TSC22D1: variants seen among roughly 807,000 people sequenced by gnomAD.
TSC22D1 encodes TSC22 domain family protein 1.
Under a neutral mutation model 74.2 loss-of-function variants are expected in TSC22D1, and 9 were observed. That is an observed-to-expected ratio of 0.12 (90% CI 0.07 to 0.21). The LOEUF is 0.21. Among genes scored for constraint, TSC22D1 ranks in the 10% least tolerant of loss-of-function variants. The pLI is 1.00. For missense variants in TSC22D1, 1,427 were observed against 1,304.7 expected (o/e 1.09, Z -1.44); for synonymous variants, 586 against 492.5 (o/e 1.19, Z -2.51).
At chr13:44,510,416 T>C (rs1879662984) in intron 1 of TSC22D1, among the ~76,000 whole-genome samples, 1 of 151,808 alleles carries the variant, frequency 6.6e-6, no homozygotes, top group Non-Finnish European at 1.5e-5. Flanking sequence ...AAAATGTTCA[T>C]ACTCTTCGGC....
intron 1 of TSC22D1, among the ~76,000 whole-genome samples, chr13:44,510,154 C>T (rs1181459487): frequency 1.3e-5 from 2 of 150,644 alleles, no homozygotes; most frequent in African/African-American, 2.4e-5. Flanking sequence ...GAGGCTGAGG[C>T]GGGTGGATCA....
intron 1 of TSC22D1, among the ~76,000 whole-genome samples, chr13:44,455,678 T>A (rs765202485): frequency 1.1e-4 from 16 of 152,182 alleles, no homozygotes; most frequent in Non-Finnish European, 2.1e-4. Context: ...CTTTTTTGAG[T>A]CTTGCTTTGG....
intron 1 of TSC22D1, among the ~76,000 whole-genome samples, chr13:44,548,293 G>A (rs1374893473): frequency 1.3e-5 from 2 of 152,210 alleles, no homozygotes; most frequent in African/African-American, 2.4e-5. Flanking sequence ...GAGGCAGGCC[G>A]ATCACTTGAG....
chr13:44,554,409 A>G (rs1194415484), intron 1 of TSC22D1, among the ~76,000 whole-genome samples: 1 of 152,216 alleles, frequency 6.6e-6, no homozygotes, highest in African/African-American at 2.4e-5. Flanking sequence ...CATATACAGA[A>G]TAACAATTGA....
intron 1 of TSC22D1, among the ~76,000 whole-genome samples, chr13:44,552,427 C>A (rs1262452910): frequency 6.6e-6 from 1 of 152,186 alleles, no homozygotes; most frequent in African/African-American, 2.4e-5. Flanking sequence ...CTGATCATTT[C>A]CCTACATTTA....
Position 44,576,101 on chromosome 13 carries a change from A to C in TSC22D1, c.-27T>G, listed in dbSNP as rs1460592601. On this transcript the variant is annotated 5_prime_UTR_variant, in exon 1 of 3. Coordinates refer to ENST00000458659, the MANE Select transcript of TSC22D1 (RefSeq NM_183422.4). ...GTGTTGGGTACCGGGGGCGCGGAGG[A>C]GACGAGTGCAATTTCCTTCTGCACC... 6.7e-7 allele frequency: 1 copy of C among 1,488,884 alleles called. No individual in the cohort carries two copies. The highest frequency in any genetic ancestry group is 1.4e-5 in the African/African-American group (1 of 71,350). 92.2% of individuals were successfully genotyped at this position (1,488,884 alleles called of 1,614,324 possible).
intron 1 of TSC22D1, among the ~76,000 whole-genome samples, chr13:44,551,919 A>G (rs1286781269): frequency 6.6e-6 from 1 of 152,158 alleles, no homozygotes; most frequent in Non-Finnish European, 1.5e-5. Context: ...AAAAGTAAAA[A>G]AACAAAAAAA....
chr13:44,505,862 C>CT (rs1458857877), intron 1 of TSC22D1, among the ~76,000 whole-genome samples: 1 of 152,132 alleles, frequency 6.6e-6, no homozygotes, highest in Non-Finnish European at 1.5e-5. Context: ...CAGAAGAAAT[C>CT]TTTTTTAACA....
At chr13:44,508,368 G>A (rs1879532574) in intron 1 of TSC22D1, among the ~76,000 whole-genome samples, 1 of 152,158 alleles carries the variant, frequency 6.6e-6, no homozygotes. Context: ...ACATGGTTCC[G>A]ATGTTCATAC....
At chr13:44,494,581 A>C (rs528367522) in intron 1 of TSC22D1, among the ~76,000 whole-genome samples, 3 of 151,854 alleles carry the variant, frequency 2.0e-5, no homozygotes, top group Admixed American at 2.0e-4. Flanking sequence ...AATAAAAAGA[A>C]AGTCACCAAA....
At chr13:44,531,433 T>C (rs892986001) in intron 1 of TSC22D1, among the ~76,000 whole-genome samples, 1 of 152,218 alleles carries the variant, frequency 6.6e-6, no homozygotes, top group African/African-American at 2.4e-5. Context: ...TTATATGTCC[T>C]TGGCCAGGTC....
intron 1 of TSC22D1, among the ~76,000 whole-genome samples, chr13:44,495,295 G>GA (rs34584059): frequency 0.031 from 2,817 of 90,332 alleles, 28 homozygotes; most frequent in South Asian, 0.048. Context: ...AAATGCTAAG[G>GA]AAAAAAAAAA....
At chr13:44,500,505 T>C (rs1879177777) in intron 1 of TSC22D1, among the ~76,000 whole-genome samples, 1 of 152,202 alleles carries the variant, frequency 6.6e-6, no homozygotes. Flanking sequence ...TCACAATTTA[T>C]CTCACTCTAA....
At chr13:44,554,618 C>A (rs1352754308) in intron 1 of TSC22D1, among the ~76,000 whole-genome samples, 1 of 84,838 alleles carries the variant, frequency 1.2e-5, no homozygotes, top group Admixed American at 1.3e-4. Context: ...TAAATCATCC[C>A]AATACCAGGA....
intron 1 of TSC22D1, among the ~76,000 whole-genome samples, chr13:44,572,809 A>C (rs1369088616): frequency 6.6e-6 from 1 of 152,268 alleles, no homozygotes; most frequent in Non-Finnish European, 1.5e-5. Flanking sequence ...AGATTATTTT[A>C]GCAGCTCAAA....
At chr13:44,562,183 G>A (rs1883087844) in intron 1 of TSC22D1, among the ~76,000 whole-genome samples, 1 of 152,046 alleles carries the variant, frequency 6.6e-6, no homozygotes, top group Non-Finnish European at 1.5e-5. Context: ...GGGACAACAG[G>A]CGTGCACGCC....
chr13:44,466,225 G>T (rs941900686), intron 1 of TSC22D1, among the ~76,000 whole-genome samples: 2 of 152,178 alleles, frequency 1.3e-5, no homozygotes, highest in African/African-American at 2.4e-5. Context: ...TAGGGAAGGG[G>T]TATAGGGAGA....
intron 1 of TSC22D1, among the ~76,000 whole-genome samples, chr13:44,567,499 G>C (rs1372043684): frequency 7.0e-6 from 1 of 143,150 alleles, no homozygotes; most frequent in African/African-American, 2.7e-5. Flanking sequence ...ACACCACATA[G>C]AAAGAAAAAA....
rs904867657 is a variant in TSC22D1, at chr13:44,576,090, G to A, written c.-16C>T. On this transcript the variant is annotated 5_prime_UTR_variant, in exon 1 of 3. Coordinates refer to ENST00000458659, the MANE Select transcript of TSC22D1 (RefSeq NM_183422.4). ...GCTGGTGCATTGTGTTGGGTACCGG[G>A]GGCGCGGAGGAGACGAGTGCAATTT... The A allele has an allele frequency of 8.6e-6, 13 of 1,512,016 alleles. No homozygotes were observed. The highest frequency in any genetic ancestry group is 2.5e-5 in the South Asian group (2 of 79,444). The allele number at this position is 1,512,016 out of a possible 1,614,324, so 93.7% of individuals were successfully genotyped here. A position where few individuals can be genotyped will look rare whatever the true frequency, so the allele number is the denominator to read the frequency against.
Sources: gnomAD v4.1 joint callset for allele counts (sites outside exome capture counted in the v4.1 genomes callset) on GRCh38, gnomAD v4.1.1 for gene constraint, MANE v1.5 for transcripts, NCBI Gene and HGNC (gene_info 2026-07-23, HGNC 2026-07-21) for gene names.